Variants in ZNF215 observed in about 807,000 individuals in gnomAD.
ZNF215 encodes zinc finger protein 215.
In ZNF215, 24 loss-of-function variants were observed where a neutral mutation model predicts 27.2. The ratio of observed to expected loss-of-function variants is 0.88; its 90% CI spans 0.64 to 1.24. ZNF215 has a LOEUF of 1.24. Among genes scored for constraint, ZNF215 ranks in the 50% most tolerant of loss-of-function variants. The pLI, the probability that ZNF215 is intolerant of heterozygous loss-of-function variation, is 0.00. For missense variants in ZNF215, 675 were observed against 605.7 expected, an observed-to-expected ratio of 1.11 and a Z score of -1.20; for synonymous variants, 210 against 204.0, an observed-to-expected ratio of 1.03 and a Z score of -0.25.
chr11:6,972,426 C>T (rs1476283559), intron 5 of ZNF215, among the ~76,000 whole-genome samples: 1 of 149,184 alleles, frequency 6.7e-6, no homozygotes, highest in Non-Finnish European at 1.5e-5. Flanking sequence ...TTTTTTTAAC[C>T]AATATTGTAG....
intron 6 of ZNF215, among the ~76,000 whole-genome samples, chr11:6,954,831 C>T (rs543544278): frequency 6.6e-6 from 1 of 152,332 alleles, no homozygotes; most frequent in South Asian, 2.1e-4. Flanking sequence ...CTGCGTCACT[C>T]ACGCTGGGAG....
At chr11:6,940,988 C>A (rs781340750) in intron 3 of ZNF215, among the ~76,000 whole-genome samples, 2 of 152,164 alleles carry the variant, frequency 1.3e-5, no homozygotes, top group Non-Finnish European at 2.9e-5. Flanking sequence ...ACTCATGAAT[C>A]TTCCAGAGTG....
chr11:6,954,405 T>C lies in ZNF215; in HGVS notation c.713-1285T>C, dbSNP rs545316232. 5.3e-5 allele frequency among the ~76,000 whole-genome samples: 8 copies of C among 152,364 alleles called. No homozygotes were observed. The South Asian group carries it at 1.7e-3, about 32-fold the overall frequency. ...TGGGCTCCACCCAGTTCAAGCTTCC[T>C]GGCTGCTTTGTTCACCTAAGCAAGC... is the stretch of plus-strand genomic sequence containing the variant. On this transcript the variant is annotated intron_variant, in intron 6 of 6. Transcript: ENST00000278319.
chr11:6,949,018 G>C (rs879654168), intron 6 of ZNF215, among the ~76,000 whole-genome samples: 3 of 149,888 alleles, frequency 2.0e-5, no homozygotes, highest in Admixed American at 2.0e-4. Flanking sequence ...TTGTCCTTGC[G>C]ATAGTTTACT....
At chr11:6,951,163 A>G (rs928250615) in intron 6 of ZNF215, among the ~76,000 whole-genome samples, 2 of 152,172 alleles carry the variant, frequency 1.3e-5, no homozygotes, top group African/African-American at 2.4e-5. Context: ...TTTTGCATCA[A>G]TGTTCATCAA....
At chr11:6,988,140 A>T (rs1851079847), downstream of ZNF215, 1 of 963,608 alleles carries the variant, frequency 1.0e-6, no homozygotes, top group South Asian at 4.8e-5. Flanking sequence ...TCATAATCAT[A>T]ACCAATGCAT....
At chr11:6,978,922 C>G (rs1032219714) in intron 5 of ZNF215, among the ~76,000 whole-genome samples, 5 of 151,956 alleles carry the variant, frequency 3.3e-5, no homozygotes, top group African/African-American at 9.7e-5. Flanking sequence ...GAAATGTAAA[C>G]TCATAAAATT....
chr11:6,927,812 G>A lies in ZNF215; in HGVS notation c.-180+5G>A, dbSNP rs1418230733. The A allele has an allele frequency of 6.6e-6, 1 of 152,170 alleles. No homozygotes were observed. The highest frequency in any genetic ancestry group is 1.5e-5 in the Non-Finnish European group (1 of 68,032). 9.4% of individuals were successfully genotyped at this position (152,170 alleles called of 1,614,324 possible). A position where few individuals can be genotyped will look rare whatever the true frequency, so the allele number is the denominator to read the frequency against. On this transcript the variant is annotated splice_donor_5th_base_variant and intron_variant, in intron 2 of 6. Transcript: ENST00000278319. ...CTAGCTCTGTAACTGTTTACAGTGA[G>A]TAATTCATTAATTTGTGTTTTTCAC...
downstream of ZNF215, among the ~76,000 whole-genome samples, chr11:6,960,032 G>A (rs1032474426): frequency 1.3e-5 from 2 of 152,048 alleles, no homozygotes; most frequent in African/African-American, 4.8e-5. Flanking sequence ...TGACCATGCT[G>A]TGGAAAACTG....
intron 6 of ZNF215, among the ~76,000 whole-genome samples, chr11:6,950,656 T>C (rs1215220554): frequency 3.3e-5 from 5 of 151,392 alleles, no homozygotes; most frequent in African/African-American, 1.2e-4. Context: ...GTTTTCTAGA[T>C]ATACAATCAT....
intron 3 of ZNF215, among the ~76,000 whole-genome samples, chr11:6,940,613 G>A (rs1291466700): frequency 2.0e-5 from 3 of 152,306 alleles, no homozygotes; most frequent in Admixed American, 6.5e-5. Context: ...CTGCCCTGAT[G>A]TGTTTTAAGA....
At chr11:6,938,712 C>T (rs948324739) in intron 3 of ZNF215, among the ~76,000 whole-genome samples, 1 of 151,946 alleles carries the variant, frequency 6.6e-6, no homozygotes, top group Admixed American at 6.6e-5. Context: ...TAGGCAAATT[C>T]GTAGAGACAG....
In ZNF215 at chr11:6,955,689, G is replaced by T; in HGVS notation, c.713-1G>T. 1.1e-5 allele frequency: 17 copies of T among 1,542,976 alleles called. No individual in the cohort carries two copies. The highest frequency in any genetic ancestry group is 1.5e-5 in the Non-Finnish European group (17 of 1,152,050). On this transcript the variant is annotated splice_acceptor_variant, in intron 6 of 6. Coordinates refer to ENST00000278319, the MANE Select transcript of ZNF215 (RefSeq NM_013250.4). LOFTEE classifies it high-confidence loss of function. ...TCATGGCATTTTTTATTTCTCTTTA[G>T]ACATGAAGAGTATTTCTGGAGAAGA...
At chr11:6,970,152 A>T (rs1324576837) in intron 5 of ZNF215, among the ~76,000 whole-genome samples, 1 of 152,192 alleles carries the variant, frequency 6.6e-6, no homozygotes, top group Non-Finnish European at 1.5e-5. Context: ...ACCTCAATCT[A>T]TTCAAGCTTC....
At chr11:6,931,957 C>G in intron 2 of ZNF215, 137 bp from the exon 3 acceptor site, 1 of 214,094 alleles carries the variant, frequency 4.7e-6, no homozygotes, top group Non-Finnish European at 9.3e-6. Context: ...AGCATATTTT[C>G]TAGTTCTAAG....
chr11:6,950,127 T>C (rs1849995140), intron 6 of ZNF215, among the ~76,000 whole-genome samples: 1 of 151,522 alleles, frequency 6.6e-6, no homozygotes, highest in Non-Finnish European at 1.5e-5. Flanking sequence ...GCTGTTTTGG[T>C]TACTGTAGCC....
intron 5 of ZNF215, among the ~76,000 whole-genome samples, chr11:6,966,826 T>C (rs1257357656): frequency 1.3e-5 from 2 of 152,052 alleles, no homozygotes; most frequent in African/African-American, 4.8e-5. Context: ...TATTATTTAT[T>C]ACACTTTAAG....
downstream of ZNF215, among the ~76,000 whole-genome samples, chr11:6,960,170 G>A (rs1201136513): frequency 6.6e-6 from 1 of 152,090 alleles, no homozygotes; most frequent in African/African-American, 2.4e-5. Context: ...ATAACACTCA[G>A]TTTTAGTGGG....
chr11:6,975,691 T>C (rs1045163784), intron 5 of ZNF215, among the ~76,000 whole-genome samples: 5 of 152,138 alleles, frequency 3.3e-5, no homozygotes, highest in African/African-American at 1.2e-4. Context: ...CATTCTTTTT[T>C]ATGGCTGAAT....
Sources: allele counts gnomAD v4.1 joint callset (sites outside exome capture counted in the v4.1 genomes callset), GRCh38; gene constraint gnomAD v4.1.1; transcripts MANE v1.5; gene names NCBI Gene and HGNC (gene_info 2026-07-23, HGNC 2026-07-21).